Variants in LRP1B observed in about 807,000 individuals in gnomAD.
The protein encoded by LRP1B is LDL receptor related protein 1B.
In LRP1B, 217 loss-of-function variants were observed where a neutral mutation model predicts 556.6. The observed-to-expected ratio is 0.39, with a 90% CI of 0.35 to 0.44. LRP1B has a LOEUF of 0.44. Among genes scored for constraint, LRP1B ranks in the 20% least tolerant of loss-of-function variants. The pLI is 1.00. For missense variants in LRP1B, 5,053 were observed against 5,620.8 expected, an observed-to-expected ratio of 0.90 and a Z score of 3.23; for synonymous variants, 2,047 against 1,865.8, an observed-to-expected ratio of 1.10 and a Z score of -2.50.
chr2:141,587,913 C>T (rs1204748749), intron 2 of LRP1B, among the ~76,000 whole-genome samples: 1 of 152,134 alleles, frequency 6.6e-6, no homozygotes, highest in Non-Finnish European at 1.5e-5. Flanking sequence ...AAACAAAATA[C>T]ACGTATACAC....
At chr2:140,696,437 G>C (rs1686432682) in intron 41 of LRP1B, among the ~76,000 whole-genome samples, 1 of 152,104 alleles carries the variant, frequency 6.6e-6, no homozygotes, top group African/African-American at 2.4e-5. Context: ...TTAAGTTTTA[G>C]TCAGACCTTA....
At chr2:141,311,026 A>ATTTTAT (rs1357518196) in intron 3 of LRP1B, among the ~76,000 whole-genome samples, 1 of 152,102 alleles carries the variant, frequency 6.6e-6, no homozygotes, top group Admixed American at 6.6e-5. Flanking sequence ...AGTTAAAGTT[A>ATTTTAT]TTTTATTTTT....
rs1309707750 is a variant in LRP1B at position 141,750,791 on chromosome 2, A to G, written c.205+59488T>C. On this transcript the variant is annotated intron_variant, in intron 2 of 90. Coordinates refer to ENST00000389484, the MANE Select transcript of LRP1B (RefSeq NM_018557.3). ...GATTCTCCTTTTATCTATATTCTTT[A>G]TAGAAAATGTAAAAGAAAAATCAGT... Among the ~76,000 whole-genome samples, 3 of 152,246 alleles carry G rather than the reference A, an allele frequency of 2.0e-5. No individual in the cohort carries two copies. The East Asian group carries it at 5.8e-4, about 29-fold the overall frequency.
In LRP1B at chr2:142,126,799, A is replaced by C. The variant is rs866822359; in HGVS notation, c.82+3849T>G. Among the ~76,000 whole-genome samples, 8 of 151,990 alleles carry C rather than the reference A, an allele frequency of 5.3e-5. No homozygotes were observed. The Middle Eastern group carries it at 0.014, about 258-fold the overall frequency. On this transcript the variant is annotated intron_variant, in intron 1 of 90. Transcript: ENST00000389484. ...AACTGGATCCATATATAGAATGGAG[A>C]AAAGACATAAAGTTCCCTCAACATC...
intron 57 of LRP1B, among the ~76,000 whole-genome samples, chr2:140,490,824 A>G (rs1462279665): frequency 1.3e-5 from 2 of 152,070 alleles, no homozygotes; most frequent in African/African-American, 4.8e-5. Flanking sequence ...ACCATTATCA[A>G]TTGCTTTCCA....
chr2:141,551,819 A>T (rs1391442533), intron 2 of LRP1B, among the ~76,000 whole-genome samples: 4 of 152,072 alleles, frequency 2.6e-5, no homozygotes, highest in African/African-American at 7.2e-5. Flanking sequence ...CTCTCATTTA[A>T]TAAAAATAAT....
At chr2:141,034,997 C>T (rs1698488978) in intron 11 of LRP1B, among the ~76,000 whole-genome samples, 2 of 151,928 alleles carry the variant, frequency 1.3e-5, no homozygotes, top group African/African-American at 2.4e-5. Flanking sequence ...GAAAATGTGG[C>T]ACATATATGC....
rs1470301781 is a variant in LRP1B, at chr2:140,910,218, ATAAT to A, written c.3320-2145_3320-2142del. On this transcript the variant is annotated intron_variant, in intron 21 of 90. Transcript: ENST00000389484. ...TTTATAAATATCAATAAAGATATTAATAATTAAAGAGCACAGAGACATTAGGAAT... is the reference window on the plus strand; with the variant it reads ...TTTATAAATATCAATAAAGATATTAATAAAGAGCACAGAGACATTAGGAAT... 3.3e-5 allele frequency among the ~76,000 whole-genome samples: 5 copies of A among 151,922 alleles called. No homozygotes were observed. In the South Asian group the frequency reaches 6.2e-4, roughly 19 times the overall value.
At chr2:140,867,966 G>T in intron 26 of LRP1B, 132 bp from the exon 27 acceptor site, 1 of 1,289,070 alleles carries the variant, frequency 7.8e-7, no homozygotes, top group Non-Finnish European at 1.0e-6. Flanking sequence ...TCTGATTTGG[G>T]GCAAGCAAAA....
intron 2 of LRP1B, among the ~76,000 whole-genome samples, chr2:141,547,043 T>C (rs911089430): frequency 2.0e-5 from 3 of 152,302 alleles, no homozygotes; most frequent in African/African-American, 7.2e-5. Context: ...TAACATCTTT[T>C]GTTGTCTAAG....
intron 2 of LRP1B, among the ~76,000 whole-genome samples, chr2:141,788,620 G>A (rs1484403030): frequency 6.6e-6 from 1 of 151,870 alleles, no homozygotes; most frequent in Admixed American, 6.6e-5. Context: ...CCATGTTGGT[G>A]TGCTGCACCT....
intron 1 of LRP1B, among the ~76,000 whole-genome samples, chr2:142,024,620 G>GTTTT (rs3041443): frequency 8.4e-4 from 110 of 131,008 alleles, no homozygotes; most frequent in African/African-American, 2.8e-3. Flanking sequence ...CAGCTGAAAT[G>GTTTT]TTTTTTTTTT....
chr2:141,797,089 A>G (rs1450675749), intron 2 of LRP1B, among the ~76,000 whole-genome samples: 6 of 147,842 alleles, frequency 4.1e-5, no homozygotes, highest in East Asian at 3.9e-4. Flanking sequence ...CATGAATTCT[A>G]TAAAGAAGGT....
intron 7 of LRP1B, among the ~76,000 whole-genome samples, chr2:141,187,275 G>A (rs1294381930): frequency 3.3e-5 from 5 of 152,070 alleles, no homozygotes; most frequent in African/African-American, 1.2e-4. Flanking sequence ...TTACGTGCAA[G>A]CTGTTCTTGT....
At chr2:141,021,808 A>C (rs139906534) in intron 11 of LRP1B, among the ~76,000 whole-genome samples, 213 of 152,082 alleles carry the variant, frequency 1.4e-3, no homozygotes, top group African/African-American at 4.8e-3. Context: ...GCATCAGGAA[A>C]GTGAAGATTA....
At chr2:140,516,126 G>A (rs895744816) in intron 50 of LRP1B, among the ~76,000 whole-genome samples, 2 of 151,848 alleles carry the variant, frequency 1.3e-5, no homozygotes, top group Non-Finnish European at 1.5e-5. Flanking sequence ...AGAAATAGAA[G>A]TTTATATATA....
At chr2:140,370,560 A>G in intron 71 of LRP1B, 150 bp downstream of exon 71, 1 of 1,108,588 alleles carries the variant, frequency 9.0e-7, no homozygotes, top group Non-Finnish European at 1.3e-6. Flanking sequence ...TTGCATATTT[A>G]GACCAGGCTG....
chr2:140,255,608 T>C (rs1395581638), intron 86 of LRP1B, among the ~76,000 whole-genome samples: 3 of 152,174 alleles, frequency 2.0e-5, no homozygotes, highest in African/African-American at 4.8e-5. Context: ...ATCCAGTAAA[T>C]ACTCAATAGA....
intron 6 of LRP1B, among the ~76,000 whole-genome samples, chr2:141,226,066 C>A (rs1683233242): frequency 6.6e-6 from 1 of 152,008 alleles, no homozygotes; most frequent in African/African-American, 2.4e-5. Flanking sequence ...CAAATGCAAA[C>A]CTACCTAATT....
Sources: gnomAD v4.1 joint callset for allele counts (sites outside exome capture counted in the v4.1 genomes callset) on GRCh38, gnomAD v4.1.1 for gene constraint, MANE v1.5 for transcripts, NCBI Gene and HGNC (gene_info 2026-07-23, HGNC 2026-07-21) for gene names.